SH3PXD2A: variants seen among roughly 807,000 people sequenced by gnomAD.
The protein encoded by SH3PXD2A is SH3 and PX domains 2A.
A neutral mutation model predicts 115.2 loss-of-function variants in SH3PXD2A; 32 were observed. The observed-to-expected ratio is 0.28, with a 90% CI of 0.21 to 0.37. SH3PXD2A has a LOEUF of 0.37. SH3PXD2A is among the 10% of genes least tolerant of loss of function. The pLI is 1.00. For synonymous variants in SH3PXD2A, 610 were observed against 629.1 expected (o/e 0.97, Z 0.45); for missense variants, 1,328 against 1,498.7 (o/e 0.89, Z 1.88).
Position 103,602,630 on chromosome 10 carries a change from G to A in SH3PXD2A, c.2588C>T (p.Ala863Val), listed in dbSNP as rs750862901. ...KVQDSEISFP[A>V]GVEVQVLEKQ... ...CTCCAGCACCTGCACCTCCACGCCCGCGGGGAAGCTGATCTCCGAGTCCTG... is the reference window on the plus strand; with the variant it reads ...CTCCAGCACCTGCACCTCCACGCCCACGGGGAAGCTGATCTCCGAGTCCTG... Residue 863 changes from alanine (A) to valine (V), a missense_variant, in exon 15 of 15, where the codon GCG becomes GTG. Coordinates refer to ENST00000369774, the MANE Select transcript of SH3PXD2A (RefSeq NM_001394015.1). The A allele has an allele frequency of 7.1e-5, 114 of 1,614,004 alleles. No individual in the cohort carries two copies. The highest frequency in any genetic ancestry group is 9.2e-5 in the Non-Finnish European group (109 of 1,180,034).
rs114596490 is a variant in SH3PXD2A at position 103,719,014 on chromosome 10, C to G, written c.398+5256G>C. Among the ~76,000 whole-genome samples, 1,095 of 152,310 alleles carry G rather than the reference C, an allele frequency of 7.2e-3. 10 individuals are homozygous for G. The highest frequency in any genetic ancestry group is 0.025 in the African/African-American group (1,054 of 41,556). ...TCCCTGTCCACCAGGGTAAAGATGACTATGAACCAAGAAGCAGGCCCTCAC... is the reference window on the plus strand; with the variant it reads ...TCCCTGTCCACCAGGGTAAAGATGAGTATGAACCAAGAAGCAGGCCCTCAC... On this transcript the variant is annotated intron_variant, in intron 5 of 14. Coordinates refer to ENST00000369774, the MANE Select transcript of SH3PXD2A (RefSeq NM_001394015.1).
At chr10:103,615,358 G>A (rs1410992221) in intron 11 of SH3PXD2A, among the ~76,000 whole-genome samples, 2 of 152,206 alleles carry the variant, frequency 1.3e-5, no homozygotes, top group African/African-American at 2.4e-5. Context: ...GAGGAGAAAC[G>A]CAAGGGAATC....
At position 103,724,273 on chromosome 10, in the gene SH3PXD2A, T is replaced by C; in HGVS notation, c.395A>G (p.Lys132Arg). Reference protein sequence around the residue: ...EARPEDVNPPKEDYGSSKRKS... With the variant: ...EARPEDVNPPREDYGSSKRKS... ...AGAGGCCTGAGCTATTACTTACTCTTTTGGAGGGTTGACATCCTCGGGTCG... is the reference window on the plus strand; with the variant it reads ...AGAGGCCTGAGCTATTACTTACTCTCTTGGAGGGTTGACATCCTCGGGTCG... The change falls in exon 5 of 15, where the codon AAA (lysine) becomes AGA (arginine). Residue 132 changes from lysine to arginine, a missense_variant. Physicochemically the swap from Lys to Arg is conservative, Grantham distance 26. Transcript: ENST00000369774. 1 of 1,559,772 alleles carries C rather than the reference T, an allele frequency of 6.4e-7. No individual in the cohort carries two copies. The highest frequency in any genetic ancestry group is 8.7e-7 in the Non-Finnish European group (1 of 1,152,228).
At chr10:103,758,781 C>T (rs1445521999) in intron 3 of SH3PXD2A, among the ~76,000 whole-genome samples, 1 of 152,238 alleles carries the variant, frequency 6.6e-6, no homozygotes, top group Non-Finnish European at 1.5e-5. Flanking sequence ...TTTAAGATGG[C>T]ACACGGTGCC....
intron 13 of SH3PXD2A, 114 bp downstream of exon 13, chr10:103,611,467 C>T: frequency 1.0e-6 from 1 of 977,796 alleles, no homozygotes; most frequent in South Asian, 1.3e-5. Context: ...CCCAGCAGGG[C>T]TCTGGAAAAC....
At chr10:103,724,214 C>T in intron 5 of SH3PXD2A, 56 bp downstream of exon 5, 1 of 939,546 alleles carries the variant, frequency 1.1e-6, no homozygotes, top group Non-Finnish European at 1.5e-6. Context: ...CCAGGCTGGC[C>T]ATTGCTTTAG....
Position 103,665,811 on chromosome 10 carries a change from G to A in SH3PXD2A, c.472+2797C>T, listed in dbSNP as rs909292910. 6.6e-6 allele frequency among the ~76,000 whole-genome samples: 1 copy of A among 152,200 alleles called. No individual in the cohort carries two copies. Among genetic ancestry groups the A allele is most frequent in the Non-Finnish European group, 1.5e-5 (1 of 68,020 alleles). ...GGGAGGGGGCAGTGGAGGGAGCCTGGTGTCTTTAGATGAGGAGTGCTTGGC... is the reference window on the plus strand; with the variant it reads ...GGGAGGGGGCAGTGGAGGGAGCCTGATGTCTTTAGATGAGGAGTGCTTGGC... On this transcript the variant is annotated intron_variant, in intron 7 of 14. Transcript: ENST00000369774. This position sits in a 1 kb window ranked among gnomAD's most constrained non-coding sequence, Gnocchi z 4.0.
Position 103,603,333 on chromosome 10 carries a change from C to T in SH3PXD2A, c.1885G>A (p.Ala629Thr). ...CCTCTGGCTGACAGGGTGTCCTCTG[C>T]ATATGGCCGGAAGCCCTCATTCTCA... is the stretch of plus-strand genomic sequence containing the variant. ...IYENEGFRPY[A>T]EDTLSARGSS... The change falls in exon 15 of 15, where the codon GCA becomes ACA. Residue 629 changes from alanine to threonine, a missense_variant. Ala to Thr is a moderately conservative substitution (Grantham distance 58). This residue lies in a region of SH3PXD2A where 509 missense variants were observed against 628.3 expected (regional missense o/e 0.81). Coordinates refer to ENST00000369774, the MANE Select transcript of SH3PXD2A (RefSeq NM_001394015.1). 1.9e-6 allele frequency: 3 copies of T among 1,614,176 alleles called. No individual in the cohort carries two copies. The highest frequency in any genetic ancestry group is 2.2e-5 in the East Asian group (1 of 44,880).
intron 4 of SH3PXD2A, among the ~76,000 whole-genome samples, chr10:103,724,873 A>G (rs1260090972): frequency 1.3e-5 from 2 of 152,150 alleles, no homozygotes; most frequent in Non-Finnish European, 2.9e-5. Context: ...CCCTGAGGGA[A>G]TTCCCTTCTG....
intron 8 of SH3PXD2A, among the ~76,000 whole-genome samples, chr10:103,657,372 C>T (rs1272705486): frequency 3.3e-5 from 5 of 152,168 alleles, no homozygotes; most frequent in Non-Finnish European, 7.3e-5. Context: ...GAAATTATGC[C>T]TGCTGGAGAG....
chr10:103,732,135 T>C (rs1479558770), intron 4 of SH3PXD2A, among the ~76,000 whole-genome samples: 1 of 152,166 alleles, frequency 6.6e-6, no homozygotes, highest in Non-Finnish European at 1.5e-5. Flanking sequence ...TCTCAAACAC[T>C]CTCTCACACT....
rs1048368117 is a variant in SH3PXD2A, at chr10:103,740,895, G to A, written c.230-5087C>T. Among the ~76,000 whole-genome samples the A allele has an allele frequency of 5.3e-5, 8 of 152,142 alleles. 1 individual carries two copies. Among genetic ancestry groups the A allele is most frequent in the African/African-American group, 1.7e-4 (7 of 41,426 alleles). The stretch of plus-strand genomic sequence containing the variant: ...TGCTGTGCTGGGCTCTGTTCCAGGC[G>A]CTGGGAGCACAGCAGTGAACCAGAC... On this transcript the variant is annotated intron_variant, in intron 3 of 14. Transcript: ENST00000369774.
At position 103,752,178 on chromosome 10, in the gene SH3PXD2A, A is replaced by G. The variant is rs564528511; in HGVS notation, c.229+14916T>C. Among the ~76,000 whole-genome samples, 11 of 152,320 alleles carry G rather than the reference A, an allele frequency of 7.2e-5. No homozygotes were observed. The East Asian group carries it at 2.1e-3, about 29-fold the overall frequency. ...GGGCTTTCTCTGCCTTCCAAAGGAA[A>G]TGGAGGAGTGGAACAGGGGAGTGGG... is the stretch of plus-strand genomic sequence containing the variant. On this transcript the variant is annotated intron_variant, in intron 3 of 14. Coordinates refer to ENST00000369774, the MANE Select transcript of SH3PXD2A (RefSeq NM_001394015.1).
At chr10:103,775,922 C>T (rs920167105) in intron 2 of SH3PXD2A, among the ~76,000 whole-genome samples, 4 of 152,168 alleles carry the variant, frequency 2.6e-5, no homozygotes, top group Admixed American at 6.5e-5. Context: ...TCTCAGATGC[C>T]TGCTCGATAA....
chr10:103,778,182 A>T (rs2038898273), intron 2 of SH3PXD2A, among the ~76,000 whole-genome samples: 1 of 152,210 alleles, frequency 6.6e-6, no homozygotes, highest in African/African-American at 2.4e-5. Context: ...TAAAAAAAAA[A>T]ATTAGCTGGG....
chr10:103,782,338 A>T (rs2038938362), intron 2 of SH3PXD2A, among the ~76,000 whole-genome samples: 1 of 152,224 alleles, frequency 6.6e-6, no homozygotes, highest in Non-Finnish European at 1.5e-5. Flanking sequence ...AAATTTGAGA[A>T]GTCCTCATTG....
intron 2 of SH3PXD2A, among the ~76,000 whole-genome samples, chr10:103,767,828 T>G (rs868830090): frequency 0.013 from 1,966 of 149,678 alleles, 73 homozygotes; most frequent in African/African-American, 0.043. Context: ...TTTTTTTTTT[T>G]TTTTTTGCTA....
chr10:103,614,670 A>G (rs2036481140), intron 11 of SH3PXD2A, among the ~76,000 whole-genome samples: 1 of 152,138 alleles, frequency 6.6e-6, no homozygotes, highest in South Asian at 2.1e-4. Flanking sequence ...AGTGCCCCCA[A>G]GTCTGGGTTG....
intron 1 of SH3PXD2A, among the ~76,000 whole-genome samples, chr10:103,816,248 C>T (rs1490055478): frequency 6.6e-6 from 1 of 152,182 alleles, no homozygotes; most frequent in African/African-American, 2.4e-5. Context: ...TGTATTAAAA[C>T]ATCATGTCGT....
Sources: gnomAD v4.1 joint callset for allele counts (sites outside exome capture counted in the v4.1 genomes callset) on GRCh38, gnomAD v4.1.1 for gene constraint, gnomAD v4.1.1 regional missense constraint, Gnocchi (gnomAD v3.1) non-coding constraint, MANE v1.5 for transcripts, NCBI Gene and HGNC (gene_info 2026-07-23, HGNC 2026-07-21) for gene names.